SEMA6A: variants seen among roughly 807,000 people sequenced by gnomAD.
SEMA6A encodes the protein semaphorin 6A, also known as semaphorin-6A.
Under a neutral mutation model 96.8 loss-of-function variants are expected in SEMA6A, and 25 were observed. The observed-to-expected ratio is 0.26, with a 90% CI of 0.19 to 0.36. The LOEUF (loss-of-function observed/expected upper bound fraction) is 0.36, where lower values mean the gene tolerates loss of function less well. Ranked by LOEUF, SEMA6A falls within the 10% of genes least tolerant of loss-of-function variation. The pLI is 1.00. For missense variants in SEMA6A, 1,363 were observed against 1,323.1 expected (o/e 1.03, Z -0.47); for synonymous variants, 612 against 518.0 (o/e 1.18, Z -2.46).
In SEMA6A at chr5:116,487,115, A is replaced by C. The variant is rs926720808; in HGVS notation, c.745-149T>G. The C allele has an allele frequency of 8.1e-6, 5 of 618,368 alleles. No homozygotes were observed. The Admixed American group carries it at 1.5e-4, about 19-fold the overall frequency. 38.3% of individuals were successfully genotyped at this position (618,368 alleles called of 1,614,324 possible). A position where few individuals can be genotyped will look rare whatever the true frequency, so the allele number is the denominator to read the frequency against. The stretch of plus-strand genomic sequence containing the variant: ...AGTAACAAAAAAAAAAAAGAAAGAA[A>C]AGAAAAAAAGAGGAAAACTCAGCAT... On this transcript the variant is annotated intron_variant, in intron 9 of 18. Transcript: ENST00000343348.
intron 1 of SEMA6A, among the ~76,000 whole-genome samples, chr5:116,570,121 C>T (rs1029278469): frequency 1.3e-5 from 2 of 152,178 alleles, no homozygotes; most frequent in Non-Finnish European, 2.9e-5. Flanking sequence ...GAACTCCTCC[C>T]CTTGAGGTTT....
intron 18 of SEMA6A, among the ~76,000 whole-genome samples, chr5:116,453,604 G>T (rs1240623598): frequency 6.6e-6 from 1 of 152,188 alleles, no homozygotes; most frequent in Admixed American, 6.5e-5. Context: ...AGGTTTAGAA[G>T]ATCTGCCACT....
At chr5:116,512,714 A>T (rs57671703) in intron 1 of SEMA6A, among the ~76,000 whole-genome samples, 3 of 151,044 alleles carry the variant, frequency 2.0e-5, no homozygotes, top group African/African-American at 7.3e-5. Flanking sequence ...CCAAACACAC[A>T]GCCCTGAGCC....
chr5:116,446,969 C>A lies in SEMA6A; in HGVS notation c.2737G>T (p.Gly913Trp), dbSNP rs765850706. The A allele has an allele frequency of 6.2e-7, 1 of 1,613,862 alleles. No homozygotes were observed. Among genetic ancestry groups the A allele is most frequent in the East Asian group, 2.2e-5 (1 of 44,842 alleles). Residue 913 changes from glycine to tryptophan, a missense_variant, in exon 19 of 19, where the codon GGG becomes TGG. Physicochemically the swap from Gly to Trp is radical, Grantham distance 184. Transcript: ENST00000343348. ...GGGTAGCTCCTCTTATAGTCAACCC[C>A]GTAGGAAGAGGAGTGGTGCATTTCC... ...RLEMHHSSSY[G>W]VDYKRSYPTN...
intron 1 of SEMA6A, among the ~76,000 whole-genome samples, chr5:116,531,817 C>A (rs1019785077): frequency 1.3e-5 from 2 of 152,258 alleles, no homozygotes; most frequent in Middle Eastern, 3.4e-3. Context: ...CCTGAGTCAC[C>A]TCTGGTCACC....
intron 1 of SEMA6A, among the ~76,000 whole-genome samples, chr5:116,563,712 C>G (rs1345643182): frequency 1.3e-5 from 2 of 152,154 alleles, no homozygotes; most frequent in Admixed American, 6.5e-5. Flanking sequence ...CTCAATTCAA[C>G]AAAATTCTTT....
intron 6 of SEMA6A, among the ~76,000 whole-genome samples, chr5:116,494,061 C>CCT (rs998792220): frequency 6.6e-6 from 1 of 151,966 alleles, no homozygotes; most frequent in Non-Finnish European, 1.5e-5. Context: ...TCTTGACTCA[C>CCT]CTCTCTCTCT....
chr5:116,566,184 T>C (rs575402698), intron 1 of SEMA6A, among the ~76,000 whole-genome samples: 123 of 152,320 alleles, frequency 8.1e-4, no homozygotes, highest in Non-Finnish European at 1.3e-3. Flanking sequence ...TCTAATCAAA[T>C]CATGGCCAAA....
chr5:116,478,747 T>G, intron 12 of SEMA6A, 29 bp from the exon 13 acceptor site: 1 of 1,601,710 alleles, frequency 6.2e-7, no homozygotes, highest in Non-Finnish European at 8.5e-7. Flanking sequence ...ATTTCTTATC[T>G]CTTTGTTGGT....
intron 1 of SEMA6A, among the ~76,000 whole-genome samples, chr5:116,566,446 C>G (rs948844214): frequency 9.2e-5 from 14 of 152,206 alleles, no homozygotes; most frequent in Admixed American, 3.9e-4. Context: ...AGTCACCATA[C>G]TGGCTGCTAA....
At chr5:116,495,782 A>G (rs1210052720) in intron 5 of SEMA6A, 11 of 398,878 alleles carry the variant, frequency 2.8e-5, no homozygotes, top group Admixed American at 8.4e-5. Flanking sequence ...GGAAATGCCA[A>G]CCTCCCATCA....
chr5:116,552,997 G>A (rs1410676145), intron 1 of SEMA6A, among the ~76,000 whole-genome samples: 4 of 152,156 alleles, frequency 2.6e-5, no homozygotes, highest in East Asian at 1.9e-4. Context: ...GGGAGCATTC[G>A]CTCATTGTGA....
Position 116,444,538 on chromosome 5 carries a change from G to A in SEMA6A, c.*2075C>T, listed in dbSNP as rs1754069274. The stretch of plus-strand genomic sequence containing the variant: ...ACAACAACACTGCTCATGGTTTACA[G>A]TATGTGGACAGTTCCTTTGTTCATG... On this transcript the variant is annotated 3_prime_UTR_variant, in exon 19 of 19. Transcript: ENST00000343348. The A allele has an allele frequency of 6.6e-6, 1 of 152,638 alleles. No homozygotes were observed. Among genetic ancestry groups the A allele is most frequent in the South Asian group, 2.1e-4 (1 of 4,834 alleles). 9.5% of individuals were successfully genotyped at this position (152,638 alleles called of 1,614,324 possible).
chr5:116,508,984 C>T (rs1758273283), intron 1 of SEMA6A, among the ~76,000 whole-genome samples: 1 of 152,228 alleles, frequency 6.6e-6, no homozygotes, highest in Non-Finnish European at 1.5e-5. Context: ...GTGGAACCCA[C>T]TGTCTATACA....
At chr5:116,500,990 G>C (rs574967584) in intron 3 of SEMA6A, among the ~76,000 whole-genome samples, 1 of 152,028 alleles carries the variant, frequency 6.6e-6, no homozygotes, top group Non-Finnish European at 1.5e-5. Context: ...CAGCCTGGAC[G>C]ATGGGAGTGA....
rs144628732 is a variant in SEMA6A at position 116,566,393 on chromosome 5, T to C, written c.-39+7792A>G. Among the ~76,000 whole-genome samples, 1,180 of 152,342 alleles carry C rather than the reference T, an allele frequency of 7.7e-3. 8 individuals carry two copies. The highest frequency in any genetic ancestry group is 0.017 in the Middle Eastern group (5 of 294). On this transcript the variant is annotated intron_variant, in intron 1 of 18. Transcript: ENST00000343348. ...AAAAGAAAGCTTCAAGTCTAAAGGC[T>C]GCATGAGGAAGTATCTATTACTAAC... is the stretch of plus-strand genomic sequence containing the variant.
At chr5:116,465,844 T>G (rs891738387) in intron 18 of SEMA6A, among the ~76,000 whole-genome samples, 2 of 152,028 alleles carry the variant, frequency 1.3e-5, no homozygotes, top group African/African-American at 2.4e-5. Flanking sequence ...AAAAACGCAG[T>G]GGGCAAAAAC....
At chr5:116,467,797 A>G in intron 17 of SEMA6A, 50 bp from the exon 18 acceptor site, 2 of 1,584,876 alleles carry the variant, frequency 1.3e-6, no homozygotes, top group Non-Finnish European at 1.7e-6. Context: ...AGAGACCCAC[A>G]TTCCCTTTGC....
At chr5:116,491,617 A>T (rs937816622) in intron 7 of SEMA6A, 123 bp downstream of exon 7, 3 of 717,466 alleles carry the variant, frequency 4.2e-6, no homozygotes, top group Non-Finnish European at 7.4e-6. Context: ...GGCATTCTTA[A>T]TTACAGTATT....
Sources: gnomAD v4.1 joint callset for allele counts (sites outside exome capture counted in the v4.1 genomes callset) on GRCh38, gnomAD v4.1.1 for gene constraint, MANE v1.5 for transcripts, NCBI Gene and HGNC (gene_info 2026-07-23, HGNC 2026-07-21) for gene names.